Variants in IL15 observed in about 807,000 individuals in gnomAD.
IL15 encodes interleukin-15.
Under a neutral mutation model 19.6 loss-of-function variants are expected in IL15, and 11 were observed. The ratio of observed to expected loss-of-function variants is 0.56; its 90% CI spans 0.35 to 0.93. The LOEUF is 0.93. Ranked by LOEUF, IL15 falls within the 40% of genes least tolerant of loss-of-function variation. The probability of loss-of-function intolerance (pLI) is 0.01; values close to 1 mark genes in which losing one functional copy is unlikely to be tolerated. For missense variants in IL15, 197 were observed against 186.5 expected (o/e 1.06, Z -0.33); for synonymous variants, 58 against 59.6 (o/e 0.97, Z 0.12).
At chr4:141,722,145 T>C (rs933320530) in intron 5 of IL15, 137 bp downstream of exon 5, 5 of 1,174,210 alleles carry the variant, frequency 4.3e-6, no homozygotes, top group Non-Finnish European at 5.5e-6. Context: ...CTTATAAAGC[T>C]CAAAAAGAAG....
chr4:141,709,003 ATTCAATATTATTCAATATTGAAAATT>A (rs1276389041), intron 2 of IL15, among the ~76,000 whole-genome samples: 15,984 of 135,924 alleles, frequency 0.12, 1,363 homozygotes, highest in African/African-American at 0.14. Flanking sequence ...TTAATTTGTA[ATTCAATATTATTCAATATTGAAAATT>A]TTCAATATTA....
At chr4:141,681,765 C>T (rs1728539916) in intron 2 of IL15, among the ~76,000 whole-genome samples, 1 of 152,148 alleles carries the variant, frequency 6.6e-6, no homozygotes, top group African/African-American at 2.4e-5. Context: ...ACTTTCTTTT[C>T]AGTTAATAAC....
intron 2 of IL15, among the ~76,000 whole-genome samples, chr4:141,659,832 C>T (rs1349329315): frequency 1.3e-5 from 2 of 152,008 alleles, no homozygotes; most frequent in East Asian, 1.9e-4. Context: ...AGAAGAGTGT[C>T]GTGTGCCTTC....
intron 1 of IL15, among the ~76,000 whole-genome samples, chr4:141,650,737 A>G (rs1421355704): frequency 6.6e-6 from 1 of 152,086 alleles, no homozygotes; most frequent in African/African-American, 2.4e-5. Context: ...ATTCTATCAT[A>G]TGCTGAGATT....
intron 4 of IL15, chr4:141,721,452 G>A: frequency 1.6e-6 from 1 of 607,512 alleles, no homozygotes; most frequent in Non-Finnish European, 3.1e-6. Flanking sequence ...CAACATGAAA[G>A]GGGCATGTTT....
rs142356606 is a variant in IL15, at chr4:141,665,217, T to C, written c.-100+8910T>C. Reference sequence around the variant, plus strand: ...TGTCAGATCTATCAATCTTCCTGTGTTGACTTTTTAAGAAACATTACTATA... The same window carrying C: ...TGTCAGATCTATCAATCTTCCTGTGCTGACTTTTTAAGAAACATTACTATA... On this transcript the variant is annotated intron_variant, in intron 2 of 7. Coordinates refer to ENST00000320650, the MANE Select transcript of IL15 (RefSeq NM_000585.5). Among the ~76,000 whole-genome samples the C allele has an allele frequency of 3.2e-3, 485 of 152,228 alleles. 2 individuals carry two copies. Among genetic ancestry groups the C allele is most frequent in the African/African-American group, 0.011 (464 of 41,566 alleles).
chr4:141,673,039 C>A (rs1196899212), intron 2 of IL15, among the ~76,000 whole-genome samples: 2 of 152,178 alleles, frequency 1.3e-5, no homozygotes, highest in African/African-American at 2.4e-5. Flanking sequence ...CCTCACTAGA[C>A]TATGAGCTCA....
At chr4:141,644,498 C>T (rs1216675185) in intron 1 of IL15, among the ~76,000 whole-genome samples, 2 of 152,130 alleles carry the variant, frequency 1.3e-5, no homozygotes, top group African/African-American at 4.8e-5. Context: ...TCCATCTCTC[C>T]GTATGTGACC....
intron 1 of IL15, among the ~76,000 whole-genome samples, chr4:141,643,877 T>C (rs762809348): frequency 2.6e-5 from 4 of 151,798 alleles, no homozygotes; most frequent in Non-Finnish European, 5.9e-5. Context: ...TATTCAACCA[T>C]CTCTGATTGG....
chr4:141,662,236 T>G (rs968899693), intron 2 of IL15, among the ~76,000 whole-genome samples: 82 of 152,386 alleles, frequency 5.4e-4, no homozygotes, highest in African/African-American at 1.9e-3. Context: ...TTTCCACATC[T>G]ACTCTGTCCT....
At chr4:141,682,583 TTC>T (rs1728568095) in intron 2 of IL15, among the ~76,000 whole-genome samples, 1 of 152,198 alleles carries the variant, frequency 6.6e-6, no homozygotes, top group Non-Finnish European at 1.5e-5. Context: ...TTCTCTTTAG[TTC>T]TCTCAGTGGC....
In IL15 at chr4:141,712,195, T is replaced by C. The variant is rs570817909; in HGVS notation, c.-99-7171T>C. On this transcript the variant is annotated intron_variant, in intron 2 of 7. Transcript: ENST00000320650. Reference sequence around the variant, plus strand: ...ATTTCTACACCTATCTATCTGATAATTTCCAACTTTTTCTTCTTCTGTACT... The same window carrying C: ...ATTTCTACACCTATCTATCTGATAACTTCCAACTTTTTCTTCTTCTGTACT... 2.6e-5 allele frequency among the ~76,000 whole-genome samples: 4 copies of C among 152,276 alleles called. No homozygotes were observed. The South Asian group carries it at 6.2e-4, about 24-fold the overall frequency.
intron 2 of IL15, among the ~76,000 whole-genome samples, chr4:141,710,273 T>C (rs555894513): frequency 2.9e-4 from 44 of 152,162 alleles, no homozygotes; most frequent in Non-Finnish European, 4.9e-4. Context: ...TCTTAGGTCT[T>C]AGGGGTGGGA....
At chr4:141,701,078 C>G (rs976007201) in intron 2 of IL15, among the ~76,000 whole-genome samples, 3 of 152,094 alleles carry the variant, frequency 2.0e-5, no homozygotes, top group Non-Finnish European at 4.4e-5. Context: ...ATCTCCTTGA[C>G]TAGCTGAATA....
intron 2 of IL15, among the ~76,000 whole-genome samples, chr4:141,672,299 C>T (rs1163392708): frequency 6.6e-6 from 1 of 152,152 alleles, no homozygotes; most frequent in Non-Finnish European, 1.5e-5. Flanking sequence ...TGCTTAATAT[C>T]TGTCACTTTT....
chr4:141,726,756 A>G (rs903075761), intron 5 of IL15, among the ~76,000 whole-genome samples: 2 of 152,182 alleles, frequency 1.3e-5, no homozygotes, highest in African/African-American at 2.4e-5. Flanking sequence ...AATAAAAAGG[A>G]ACAAACTAGT....
intron 2 of IL15, among the ~76,000 whole-genome samples, chr4:141,661,788 T>G (rs1727800177): frequency 6.6e-6 from 1 of 152,152 alleles, no homozygotes; most frequent in Admixed American, 6.5e-5. Flanking sequence ...GCCCTCCATT[T>G]CTGTTTTTTG....
At chr4:141,677,567 G>A (rs1728389666) in intron 2 of IL15, among the ~76,000 whole-genome samples, 1 of 152,128 alleles carries the variant, frequency 6.6e-6, no homozygotes, top group Admixed American at 6.5e-5. Context: ...TGTACTTGCA[G>A]TTGTAGGAGT....
chr4:141,681,794 TGCTTAAGTCAA>T (rs148513363), intron 2 of IL15, among the ~76,000 whole-genome samples: 3,395 of 152,296 alleles, frequency 0.022, 130 homozygotes, highest in African/African-American at 0.076. Context: ...TCTCTTCAGA[TGCTTAAGTCAA>T]GTCGTTAATT....
Sources: gnomAD v4.1 joint callset for allele counts (sites outside exome capture counted in the v4.1 genomes callset) on GRCh38, gnomAD v4.1.1 for gene constraint, MANE v1.5 for transcripts, NCBI Gene and HGNC (gene_info 2026-07-23, HGNC 2026-07-21) for gene names.